The following TBL1XR1 variants were observed in gnomAD, a reference collection of about 807,000 sequenced individuals.
TBL1XR1 encodes TBL1X/Y related 1, also known as F-box-like/WD repeat-containing protein TBL1XR1.
In TBL1XR1, 5 loss-of-function variants were observed where a neutral mutation model predicts 66.9. The ratio of observed to expected loss-of-function variants is 0.07; its 90% CI spans 0.04 to 0.16. The LOEUF is 0.16. TBL1XR1 is among the 10% of genes least tolerant of loss of function. The pLI, the probability that TBL1XR1 is intolerant of heterozygous loss-of-function variation, is 1.00. For synonymous variants in TBL1XR1, 210 were observed against 206.0 expected (o/e 1.02, Z -0.17); for missense variants, 238 against 623.2 (o/e 0.38, Z 6.58).
Position 177,139,460 on chromosome 3 carries a change from A to G in TBL1XR1, c.-121-40919T>C, listed in dbSNP as rs1729375641. On this transcript the variant is annotated intron_variant, in intron 1 of 15. Transcript: ENST00000457928. Reference sequence around the variant, plus strand: ...TGAGGCAGGAGAATCGCTTGAACTCAGGAAGTAGAGGTTGCAGTGAGCTGA... The same window carrying G: ...TGAGGCAGGAGAATCGCTTGAACTCGGGAAGTAGAGGTTGCAGTGAGCTGA... Among the ~76,000 whole-genome samples, 3 of 151,998 alleles carry G rather than the reference A, an allele frequency of 2.0e-5. 1 individual carries two copies. The highest frequency in any genetic ancestry group is 7.2e-5 in the African/African-American group (3 of 41,460).
At chr3:177,146,581 C>A in intron 1 of TBL1XR1, among the ~76,000 whole-genome samples, 1 of 26,588 alleles carries the variant, frequency 3.8e-5, no homozygotes, top group African/African-American at 1.0e-4. Flanking sequence ...CTGAGCGAGA[C>A]TCCATCTCAA....
chr3:177,144,918 T>G (rs1200741721), intron 1 of TBL1XR1, among the ~76,000 whole-genome samples: 1 of 152,188 alleles, frequency 6.6e-6, no homozygotes, highest in Non-Finnish European at 1.5e-5. Flanking sequence ...ATTCAATTAT[T>G]TTAAATTATG....
chr3:177,103,485 G>GACTT, intron 1 of TBL1XR1, among the ~76,000 whole-genome samples: 1 of 152,294 alleles, frequency 6.6e-6, no homozygotes, highest in Admixed American at 6.5e-5. Flanking sequence ...AGACACTGTT[G>GACTT]ACTTAGCAGA....
intron 3 of TBL1XR1, among the ~76,000 whole-genome samples, chr3:177,058,561 A>G (rs1165911482): frequency 6.6e-6 from 1 of 152,244 alleles, no homozygotes; most frequent in Non-Finnish European, 1.5e-5. Flanking sequence ...ATTTTAAAAG[A>G]ATATTACCTC....
At chr3:177,038,475 G>A (rs897162188) in intron 10 of TBL1XR1, 41 bp from the exon 11 acceptor site, 9 of 1,450,636 alleles carry the variant, frequency 6.2e-6, no homozygotes, top group Non-Finnish European at 8.2e-6. Flanking sequence ...TATTCCACAT[G>A]TACTAAAATC....
At chr3:177,066,609 A>C (rs571906467) in intron 2 of TBL1XR1, among the ~76,000 whole-genome samples, 24 of 152,326 alleles carry the variant, frequency 1.6e-4, no homozygotes, top group African/African-American at 5.1e-4. Flanking sequence ...CACAGACTAT[A>C]AAGAAGCTAG....
intron 1 of TBL1XR1, among the ~76,000 whole-genome samples, chr3:177,188,693 G>A (rs889761078): frequency 1.3e-5 from 2 of 152,068 alleles, no homozygotes; most frequent in African/African-American, 4.8e-5. Context: ...TGTTCAACAG[G>A]TATTCCTCCT....
chr3:177,160,165 T>G (rs1732007726), intron 1 of TBL1XR1, among the ~76,000 whole-genome samples: 1 of 152,062 alleles, frequency 6.6e-6, no homozygotes, highest in South Asian at 2.1e-4. Flanking sequence ...TTAGCTGCTT[T>G]GCAAACCATG....
At chr3:177,189,249 G>A (rs926960585) in intron 1 of TBL1XR1, among the ~76,000 whole-genome samples, 23 of 151,990 alleles carry the variant, frequency 1.5e-4, no homozygotes, top group African/African-American at 5.3e-4. Flanking sequence ...CAGGTGTGGT[G>A]GCTCACGCCT....
intron 1 of TBL1XR1, among the ~76,000 whole-genome samples, chr3:177,106,473 C>T (rs1724903980): frequency 6.6e-6 from 1 of 152,104 alleles, no homozygotes; most frequent in African/African-American, 2.4e-5. Context: ...TAGACTCTAG[C>T]AAAATAAATT....
chr3:177,042,521 T>C (rs1209712939), intron 10 of TBL1XR1, among the ~76,000 whole-genome samples: 3 of 152,222 alleles, frequency 2.0e-5, no homozygotes, highest in African/African-American at 4.8e-5. Context: ...ATTAACGCTT[T>C]TGTGATATGC....
chr3:177,105,353 G>A (rs1401673255), intron 1 of TBL1XR1, among the ~76,000 whole-genome samples: 1 of 152,032 alleles, frequency 6.6e-6, no homozygotes, highest in Admixed American at 6.6e-5. Flanking sequence ...CAAGTGTGGG[G>A]GGCCGAAGGA....
intron 3 of TBL1XR1, among the ~76,000 whole-genome samples, chr3:177,060,715 A>G (rs1258294724): frequency 6.6e-6 from 1 of 152,236 alleles, no homozygotes; most frequent in Non-Finnish European, 1.5e-5. Flanking sequence ...GAGATTAAAA[A>G]GGTCCAAACC....
intron 1 of TBL1XR1, among the ~76,000 whole-genome samples, chr3:177,174,408 CAAAAAAAAAAAAA>C (rs59132617): frequency 1.2e-3 from 68 of 58,310 alleles, no homozygotes; most frequent in African/African-American, 4.1e-3. Flanking sequence ...GACTCCATCT[CAAAAAAAAAAAAA>C]AAAAAAAAAG....
At chr3:177,158,488 A>G (rs977845473) in intron 1 of TBL1XR1, among the ~76,000 whole-genome samples, 4 of 152,122 alleles carry the variant, frequency 2.6e-5, no homozygotes, top group Non-Finnish European at 5.9e-5. Flanking sequence ...CGGCCTCCCA[A>G]TGTGCTGGGA....
At chr3:177,149,270 C>G (rs576037850) in intron 1 of TBL1XR1, among the ~76,000 whole-genome samples, 3 of 152,120 alleles carry the variant, frequency 2.0e-5, no homozygotes, top group Admixed American at 6.6e-5. Flanking sequence ...CCCTGGCTTT[C>G]TCAAATCTAG....
intron 1 of TBL1XR1, among the ~76,000 whole-genome samples, chr3:177,122,730 C>T (rs1223637899): frequency 6.6e-6 from 1 of 152,084 alleles, no homozygotes; most frequent in Non-Finnish European, 1.5e-5. Context: ...GTGGAGATAG[C>T]TGCAAATCAA....
At chr3:177,195,553 ACAGT>A (rs1736738066) in intron 1 of TBL1XR1, 1 of 149,430 alleles carries the variant, frequency 6.7e-6, no homozygotes, top group Non-Finnish European at 1.5e-5. Context: ...GAAAACCCAA[ACAGT>A]CACTCATTGT....
At chr3:177,074,067 C>T (rs1281573074) in intron 2 of TBL1XR1, among the ~76,000 whole-genome samples, 1 of 152,160 alleles carries the variant, frequency 6.6e-6, no homozygotes, top group Non-Finnish European at 1.5e-5. Context: ...ATTACATACT[C>T]AACCTGTTTG....
Sources: gnomAD v4.1 joint callset for allele counts (sites outside exome capture counted in the v4.1 genomes callset) on GRCh38, gnomAD v4.1.1 for gene constraint, MANE v1.5 for transcripts, NCBI Gene and HGNC (gene_info 2026-07-23, HGNC 2026-07-21) for gene names.